NELL1: variants seen among roughly 807,000 people sequenced by gnomAD.
The protein encoded by NELL1 is neural EGFL like 1.
Under a neutral mutation model 107.4 loss-of-function variants are expected in NELL1, and 76 were observed. The observed-to-expected ratio is 0.71, with a 90% CI of 0.59 to 0.86. The LOEUF (loss-of-function observed/expected upper bound fraction) is 0.86. Among genes scored for constraint, NELL1 ranks in the 40% least tolerant of loss-of-function variants. The probability of loss-of-function intolerance (pLI) is 0.00; values close to 1 mark genes in which losing one functional copy is unlikely to be tolerated. For missense variants in NELL1, 1,024 were observed against 1,005.5 expected (o/e 1.02, Z -0.25); for synonymous variants, 353 against 341.2 (o/e 1.03, Z -0.38).
chr11:21,556,031 CTACTTATTT>C, intron 16 of NELL1, among the ~76,000 whole-genome samples: 1 of 152,044 alleles, frequency 6.6e-6, no homozygotes, highest in East Asian at 1.9e-4. Flanking sequence ...TTCAGATTCG[CTACTTATTT>C]TACTTATTTT....
At chr11:21,027,387 G>T (rs1379066537) in intron 12 of NELL1, among the ~76,000 whole-genome samples, 1 of 151,656 alleles carries the variant, frequency 6.6e-6, no homozygotes, top group Non-Finnish European at 1.5e-5. Flanking sequence ...TTATGATCCT[G>T]GATGTTTTTT....
intron 15 of NELL1, among the ~76,000 whole-genome samples, chr11:21,448,512 C>T (rs1254720735): frequency 1.3e-5 from 2 of 152,152 alleles, no homozygotes; most frequent in African/African-American, 2.4e-5. Flanking sequence ...GTACAAAGTT[C>T]ACCTAAGTAA....
chr11:20,968,494 A>C (rs1851429887), intron 12 of NELL1, among the ~76,000 whole-genome samples: 1 of 152,154 alleles, frequency 6.6e-6, no homozygotes, highest in South Asian at 2.1e-4. Context: ...GCTTCTGCCC[A>C]CTTTTGCTAA....
At chr11:20,983,650 A>G (rs891186797) in intron 12 of NELL1, among the ~76,000 whole-genome samples, 4 of 150,976 alleles carry the variant, frequency 2.6e-5, no homozygotes, top group Admixed American at 2.0e-4. Context: ...CAAATCATCA[A>G]CTCCCCTCCA....
intron 13 of NELL1, among the ~76,000 whole-genome samples, chr11:21,152,322 A>C (rs1191780632): frequency 1.3e-5 from 2 of 152,094 alleles, no homozygotes; most frequent in African/African-American, 4.8e-5. Context: ...AACCTTTCCC[A>C]GCGTAGTATT....
intron 3 of NELL1, among the ~76,000 whole-genome samples, chr11:20,832,866 A>AC (rs1858042337): frequency 6.6e-6 from 1 of 151,870 alleles, no homozygotes; most frequent in African/African-American, 2.4e-5. Context: ...TACAACCCCC[A>AC]CTCTCATCCT....
chr11:21,256,681 G>A (rs1858777383), intron 14 of NELL1, among the ~76,000 whole-genome samples: 1 of 152,062 alleles, frequency 6.6e-6, no homozygotes, highest in South Asian at 2.1e-4. Flanking sequence ...CTCACATAGT[G>A]TCTGTCTTTC....
At chr11:20,922,601 C>T (rs1235902934) in intron 7 of NELL1, among the ~76,000 whole-genome samples, 3 of 151,450 alleles carry the variant, frequency 2.0e-5, no homozygotes, top group Non-Finnish European at 4.4e-5. Context: ...TTAAATAGGC[C>T]GATTGTGGCA....
intron 12 of NELL1, among the ~76,000 whole-genome samples, chr11:21,055,890 A>G (rs1853603723): frequency 6.6e-6 from 1 of 152,204 alleles, no homozygotes; most frequent in Non-Finnish European, 1.5e-5. Context: ...ACTTCTGGTA[A>G]TAATGAGGAT....
At chr11:20,751,381 A>G (rs567624687) in intron 2 of NELL1, among the ~76,000 whole-genome samples, 2 of 152,308 alleles carry the variant, frequency 1.3e-5, no homozygotes, top group South Asian at 4.1e-4. Context: ...CAATCCATCA[A>G]CATTGTCTAT....
chr11:21,542,618 G>A (rs1308405529), intron 16 of NELL1, among the ~76,000 whole-genome samples: 1 of 151,886 alleles, frequency 6.6e-6, no homozygotes, highest in Non-Finnish European at 1.5e-5. Context: ...TACTACTACT[G>A]GGATATCCAC....
intron 3 of NELL1, among the ~76,000 whole-genome samples, chr11:20,847,226 C>A (rs1425884885): frequency 2.0e-5 from 3 of 152,176 alleles, no homozygotes; most frequent in Non-Finnish European, 4.4e-5. Context: ...AAATAACCAT[C>A]AATAGATCCA....
chr11:21,226,806 G>A (rs565662321), intron 13 of NELL1, among the ~76,000 whole-genome samples: 5 of 152,280 alleles, frequency 3.3e-5, no homozygotes, highest in African/African-American at 9.6e-5. Flanking sequence ...GAGAAAAAGT[G>A]TGTAAGCCTT....
chr11:20,931,130 A>G (rs1004798344), intron 9 of NELL1, among the ~76,000 whole-genome samples: 1 of 152,050 alleles, frequency 6.6e-6, no homozygotes. Context: ...GCTCACTTTC[A>G]AGGTAGAGAC....
chr11:20,832,089 A>G (rs577452273), intron 3 of NELL1, among the ~76,000 whole-genome samples: 1 of 152,250 alleles, frequency 6.6e-6, no homozygotes, highest in Non-Finnish European at 1.5e-5. Flanking sequence ...AGCTTGCTAC[A>G]CTGGTCTTAC....
intron 17 of NELL1, 147 bp downstream of exon 17, chr11:21,560,529 G>A: frequency 1.5e-6 from 1 of 685,816 alleles, no homozygotes; most frequent in South Asian, 2.1e-5. Flanking sequence ...AGCTAATGAT[G>A]ATGCTAAGGG....
intron 15 of NELL1, among the ~76,000 whole-genome samples, chr11:21,485,732 A>G (rs1433029307): frequency 6.6e-6 from 1 of 151,772 alleles, no homozygotes; most frequent in Non-Finnish European, 1.5e-5. Flanking sequence ...TCTGGGGACC[A>G]TCCCATTCCT....
At chr11:20,786,640 G>A (rs1444762497) in intron 3 of NELL1, among the ~76,000 whole-genome samples, 2 of 151,946 alleles carry the variant, frequency 1.3e-5, no homozygotes, top group Non-Finnish European at 2.9e-5. Context: ...GTCCTCAGAA[G>A]AAAAATTTAT....
intron 12 of NELL1, among the ~76,000 whole-genome samples, chr11:21,074,163 A>G (rs181246203): frequency 1.2e-4 from 18 of 152,286 alleles, no homozygotes; most frequent in Middle Eastern, 6.8e-3. Flanking sequence ...GGGACCAGTA[A>G]CATCAGCATA....
Sources: allele counts gnomAD v4.1 joint callset (sites outside exome capture counted in the v4.1 genomes callset), GRCh38; gene constraint gnomAD v4.1.1; transcripts MANE v1.5; gene names NCBI Gene and HGNC (gene_info 2026-07-23, HGNC 2026-07-21).